Variants in SHTN1 observed in about 807,000 individuals in gnomAD.
SHTN1 encodes the protein shootin 1, also known as shootin-1.
A neutral mutation model predicts 83.1 loss-of-function variants in SHTN1; 42 were observed. The observed-to-expected ratio is 0.51, with a 90% CI of 0.39 to 0.65. The LOEUF is 0.65. SHTN1 is among the 30% of genes least tolerant of loss of function. The pLI, the probability that SHTN1 is intolerant of heterozygous loss-of-function variation, is 0.00. For missense variants in SHTN1, 622 were observed against 737.8 expected (o/e 0.84, Z 1.82); for synonymous variants, 224 against 247.7 (o/e 0.90, Z 0.90).
intron 4 of SHTN1, among the ~76,000 whole-genome samples, chr10:116,957,974 T>C (rs937240895): frequency 3.3e-5 from 5 of 152,084 alleles, no homozygotes; most frequent in Admixed American, 2.0e-4. Flanking sequence ...GCAGGAGAAT[T>C]GCTTGAATCT....
chr10:116,957,459 TGC>T (rs1316445657), intron 4 of SHTN1, among the ~76,000 whole-genome samples: 1 of 151,186 alleles, frequency 6.6e-6, no homozygotes, highest in African/African-American at 2.4e-5. Context: ...TCACCATGTT[TGC>T]CAGGATGGTC....
chr10:116,922,435 T>A (rs544914494), intron 11 of SHTN1, among the ~76,000 whole-genome samples: 2 of 151,936 alleles, frequency 1.3e-5, no homozygotes, highest in African/African-American at 2.4e-5. Flanking sequence ...TATATGTATC[T>A]TATGAGCCAG....
intron 9 of SHTN1, among the ~76,000 whole-genome samples, chr10:116,931,135 C>A (rs372233337): frequency 0.011 from 1,394 of 130,346 alleles, no homozygotes; most frequent in Non-Finnish European, 0.014. Flanking sequence ...CAAAAGTCTT[C>A]AAAAAAAAAA....
rs947086638 is a variant in SHTN1, at chr10:117,079,021, G to GC, written c.-188-30512_-188-30511insG. ...TTCATTAGCTTGGCTAGAGATTTGT[G>GC]AATTTTTTTTATTTTTATTTATTTT... is the stretch of plus-strand genomic sequence containing the variant. On this transcript the variant is annotated intron_variant, in intron 1 of 17. Transcript: ENST00000392901. Among the ~76,000 whole-genome samples the GC allele has an allele frequency of 2.6e-3, 59 of 23,136 alleles. No individual in the cohort carries two copies. The Admixed American group carries it at 0.034, about 13-fold the overall frequency. 15.2% of individuals were successfully genotyped at this position (23,136 alleles called of 152,430 possible).
At chr10:116,957,476 TCTCCTGACCTCAGGTGATCTGC>T (rs1385709896) in intron 4 of SHTN1, among the ~76,000 whole-genome samples, 1 of 151,288 alleles carries the variant, frequency 6.6e-6, no homozygotes, top group African/African-American at 2.4e-5. Flanking sequence ...ATGGTCTCAA[TCTCCTGACCTCAGGTGATCTGC>T]CCACCTCAGC....
intron 12 of SHTN1, among the ~76,000 whole-genome samples, chr10:116,917,098 A>C (rs1038939934): frequency 6.6e-6 from 1 of 152,148 alleles, no homozygotes; most frequent in Non-Finnish European, 1.5e-5. Context: ...AACATCAACA[A>C]AGGGACAGAT....
chr10:116,902,932 G>A (rs1291059618), intron 15 of SHTN1, among the ~76,000 whole-genome samples: 2 of 152,180 alleles, frequency 1.3e-5, no homozygotes, highest in Admixed American at 6.5e-5. Flanking sequence ...CTGACCATTG[G>A]TATTAAGCTC....
intron 1 of SHTN1, among the ~76,000 whole-genome samples, chr10:117,122,214 A>G (rs1474153798): frequency 6.6e-6 from 1 of 152,092 alleles, no homozygotes; most frequent in African/African-American, 2.4e-5. Context: ...TCACTCTGTT[A>G]CCCAGGCTGG....
intron 1 of SHTN1, among the ~76,000 whole-genome samples, chr10:117,053,219 T>G (rs560431285): frequency 6.6e-6 from 1 of 151,510 alleles, no homozygotes; most frequent in East Asian, 1.9e-4. Flanking sequence ...ATTTCATAGA[T>G]AGGACATGAA....
At chr10:117,000,693 T>A (rs142846697) in intron 1 of SHTN1, among the ~76,000 whole-genome samples, 1 of 152,194 alleles carries the variant, frequency 6.6e-6, no homozygotes, top group Non-Finnish European at 1.5e-5. Context: ...AGCATCCTCA[T>A]GGTAGTGCAC....
rs555187129 is a variant in SHTN1, at chr10:116,932,438, G to A, written c.859-2436C>T. ...AATCTAATGCCTGATGATCTGAGGT[G>A]GTACAGTTTCATCCCAAAACCATCC... is the stretch of plus-strand genomic sequence containing the variant. On this transcript the variant is annotated intron_variant, in intron 9 of 16. Coordinates refer to ENST00000355371, the MANE Select transcript of SHTN1 (RefSeq NM_001127211.3). Among the ~76,000 whole-genome samples the A allele has an allele frequency of 9.2e-5, 14 of 152,228 alleles. No individual in the cohort carries two copies. In the South Asian group the frequency reaches 2.3e-3, roughly 25 times the overall value.
At chr10:116,998,576 T>G (rs1851715937) in intron 1 of SHTN1, among the ~76,000 whole-genome samples, 1 of 152,180 alleles carries the variant, frequency 6.6e-6, no homozygotes, top group African/African-American at 2.4e-5. Context: ...AAACTTGGAA[T>G]ATATAGGGTT....
At chr10:117,110,038 T>G (rs964572781) in intron 1 of SHTN1, among the ~76,000 whole-genome samples, 1 of 152,196 alleles carries the variant, frequency 6.6e-6, no homozygotes, top group Non-Finnish European at 1.5e-5. Context: ...TGTACTGGAT[T>G]CTGCTGGTAG....
At chr10:116,896,621 T>C (rs957910582) in intron 16 of SHTN1, among the ~76,000 whole-genome samples, 4 of 152,174 alleles carry the variant, frequency 2.6e-5, no homozygotes, top group African/African-American at 7.2e-5. Context: ...ATATGTTGAA[T>C]ATAGTGGTGA....
At chr10:116,973,676 C>G (rs1245371372) in intron 2 of SHTN1, among the ~76,000 whole-genome samples, 1 of 152,120 alleles carries the variant, frequency 6.6e-6, no homozygotes, top group Non-Finnish European at 1.5e-5. Flanking sequence ...ACTGCCAAAC[C>G]AGAACTGAAC....
chr10:116,888,672 T>TG (rs1847239087), intron 16 of SHTN1, among the ~76,000 whole-genome samples: 1 of 152,142 alleles, frequency 6.6e-6, no homozygotes, highest in African/African-American at 2.4e-5. Flanking sequence ...GGAGGAGATG[T>TG]GGGGAGCTGG....
intron 11 of SHTN1, among the ~76,000 whole-genome samples, chr10:116,927,394 A>G (rs931327431): frequency 1.3e-5 from 2 of 152,152 alleles, no homozygotes; most frequent in Non-Finnish European, 2.9e-5. Context: ...GGTTTAATTG[A>G]CTCACAGTTC....
chr10:116,935,167 G>T (rs1380560954), intron 9 of SHTN1, among the ~76,000 whole-genome samples: 1 of 152,154 alleles, frequency 6.6e-6, no homozygotes, highest in African/African-American at 2.4e-5. Flanking sequence ...TCTTTCCCTT[G>T]CCTGATTGCC....
chr10:117,085,457 C>CT (rs1164522685), intron 1 of SHTN1, among the ~76,000 whole-genome samples: 1 of 152,136 alleles, frequency 6.6e-6, no homozygotes, highest in African/African-American at 2.4e-5. Flanking sequence ...TTCCAGCTAT[C>CT]TTTATTACCG....
Sources: allele counts gnomAD v4.1 joint callset (sites outside exome capture counted in the v4.1 genomes callset), GRCh38; gene constraint gnomAD v4.1.1; transcripts MANE v1.5; gene names NCBI Gene and HGNC (gene_info 2026-07-23, HGNC 2026-07-21).